Variants in TMEM178B observed in about 807,000 individuals in gnomAD.
The protein encoded by TMEM178B is transmembrane protein 178B.
Under a neutral mutation model 31.0 loss-of-function variants are expected in TMEM178B, and 5 were observed. That is an observed-to-expected ratio of 0.16 (90% CI 0.08 to 0.34). The LOEUF (loss-of-function observed/expected upper bound fraction) is 0.34. Ranked by LOEUF, TMEM178B falls within the 10% of genes least tolerant of loss-of-function variation. TMEM178B has a pLI of 1.00. For missense variants in TMEM178B, 275 were observed against 400.3 expected (o/e 0.69, Z 2.67); for synonymous variants, 164 against 164.0 (o/e 1.00, Z 0.00).
At chr7:141,119,818 C>G (rs1038632123) in intron 1 of TMEM178B, among the ~76,000 whole-genome samples, 1 of 152,146 alleles carries the variant, frequency 6.6e-6, no homozygotes. Context: ...CTCAGTGAGG[C>G]AGAATGAGAC....
At chr7:141,329,863 G>A (rs1388900639) in intron 2 of TMEM178B, among the ~76,000 whole-genome samples, 1 of 152,210 alleles carries the variant, frequency 6.6e-6, no homozygotes, top group Non-Finnish European at 1.5e-5. Context: ...AAACAATCTG[G>A]CTGGGGACAT....
chr7:141,229,713 A>G (rs1322099036), intron 2 of TMEM178B, among the ~76,000 whole-genome samples: 1 of 152,122 alleles, frequency 6.6e-6, no homozygotes, highest in Non-Finnish European at 1.5e-5. Context: ...ACTTGAGCTC[A>G]GGAATTTCAG....
intron 2 of TMEM178B, among the ~76,000 whole-genome samples, chr7:141,313,820 G>A (rs1338451212): frequency 1.5e-5 from 2 of 131,116 alleles, no homozygotes; most frequent in African/African-American, 2.6e-5. Flanking sequence ...ATTGATGTGC[G>A]TCTTTGGAAG....
chr7:141,081,068 A>T (rs1388593412), intron 1 of TMEM178B, among the ~76,000 whole-genome samples: 1 of 152,196 alleles, frequency 6.6e-6, no homozygotes, highest in Non-Finnish European at 1.5e-5. Context: ...TATAAAAAAA[A>T]GTTAACTGTA....
At position 141,124,133 on chromosome 7, in the gene TMEM178B, G is replaced by A. The variant is rs372100036; in HGVS notation, c.382+49441G>A. Among the ~76,000 whole-genome samples the A allele has an allele frequency of 1.4e-4, 21 of 152,246 alleles. 1 individual carries two copies. Among genetic ancestry groups the A allele is most frequent in the African/African-American group, 4.6e-4 (19 of 41,560 alleles). On this transcript the variant is annotated intron_variant, in intron 1 of 3. Transcript: ENST00000565468. Reference sequence around the variant, plus strand: ...TGTAATCCCAGTACTTTGGGAGGCCGAGGTGGGCAGATCACCTGAGGTCAG... The same window carrying A: ...TGTAATCCCAGTACTTTGGGAGGCCAAGGTGGGCAGATCACCTGAGGTCAG...
chr7:141,245,907 A>C (rs1023875038), intron 2 of TMEM178B, among the ~76,000 whole-genome samples: 1 of 152,220 alleles, frequency 6.6e-6, no homozygotes, highest in Non-Finnish European at 1.5e-5. Flanking sequence ...TTATATAAAC[A>C]AGTACTTTTG....
At chr7:141,447,760 T>A (rs1217688089) in intron 3 of TMEM178B, among the ~76,000 whole-genome samples, 1 of 152,086 alleles carries the variant, frequency 6.6e-6, no homozygotes, top group Non-Finnish European at 1.5e-5. Context: ...CCTGAAGGTG[T>A]TGCAGGGGCA....
intron 1 of TMEM178B, among the ~76,000 whole-genome samples, chr7:141,095,990 G>T (rs1445825434): frequency 6.6e-6 from 1 of 152,182 alleles, no homozygotes; most frequent in Non-Finnish European, 1.5e-5. Context: ...AATGCTGATG[G>T]TAACGTAGGC....
rs143413562 is a variant in TMEM178B, at chr7:141,162,621, C to T, written c.383-49970C>T. On this transcript the variant is annotated intron_variant, in intron 1 of 3. Transcript: ENST00000565468. ...CATAGTTAGGAAAGAATCTCAGTCC[C>T]ATGGTACCAACACTAGCATTTTATT... Among the ~76,000 whole-genome samples the T allele has an allele frequency of 1.1e-4, 17 of 152,286 alleles. No individual in the cohort carries two copies. In the South Asian group the frequency reaches 1.9e-3, roughly 17 times the overall value.
downstream of TMEM178B, among the ~76,000 whole-genome samples, chr7:141,481,863 A>G (rs1453760203): frequency 6.6e-6 from 1 of 152,138 alleles, no homozygotes; most frequent in Non-Finnish European, 1.5e-5. Flanking sequence ...AAACAGGTGG[A>G]ATTAAAGAGT....
At chr7:141,376,526 C>T (rs1167312867) in intron 2 of TMEM178B, among the ~76,000 whole-genome samples, 1 of 152,168 alleles carries the variant, frequency 6.6e-6, no homozygotes, top group Non-Finnish European at 1.5e-5. Flanking sequence ...TGCAGAACAC[C>T]ATCGATGTCT....
intron 2 of TMEM178B, among the ~76,000 whole-genome samples, chr7:141,321,106 C>T (rs1799091300): frequency 6.6e-6 from 1 of 152,152 alleles, no homozygotes; most frequent in African/African-American, 2.4e-5. Context: ...TTGTGTGACT[C>T]CCCTCTATTG....
rs139584498 is a variant in TMEM178B, at chr7:141,296,074, C to CTT, written c.496+83382_496+83383dup. ...CACTGCAGCCAAAGGGGAAGCAGTACTTTTTTTTTTTTTGACAGGGTCTCA... is the reference window on the plus strand; with the variant it reads ...CACTGCAGCCAAAGGGGAAGCAGTACTTTTTTTTTTTTTTTGACAGGGTCTCA... On this transcript the variant is annotated intron_variant, in intron 2 of 3. Coordinates refer to ENST00000565468, the MANE Select transcript of TMEM178B (RefSeq NM_001195278.2). 1.6e-4 allele frequency among the ~76,000 whole-genome samples: 23 copies of CTT among 146,246 alleles called. No individual in the cohort carries two copies. The East Asian group carries it at 3.2e-3, about 21-fold the overall frequency.
At chr7:141,251,682 C>T (rs563625287) in intron 2 of TMEM178B, among the ~76,000 whole-genome samples, 8 of 152,200 alleles carry the variant, frequency 5.3e-5, no homozygotes, top group Admixed American at 2.6e-4. Context: ...CTTTATTACC[C>T]CAGGTATACT....
chr7:141,389,308 C>T (rs1043143873), intron 2 of TMEM178B, among the ~76,000 whole-genome samples: 1 of 152,260 alleles, frequency 6.6e-6, no homozygotes, highest in South Asian at 2.1e-4. Context: ...TTCTCTATTA[C>T]CAGCTTGCCA....
chr7:141,434,257 C>G (rs1414289426), intron 2 of TMEM178B, among the ~76,000 whole-genome samples: 1 of 152,202 alleles, frequency 6.6e-6, no homozygotes. Context: ...CCACTTAATT[C>G]CCCCAGGCAG....
At chr7:141,433,101 G>A (rs928584967) in intron 2 of TMEM178B, among the ~76,000 whole-genome samples, 1 of 152,164 alleles carries the variant, frequency 6.6e-6, no homozygotes, top group East Asian at 1.9e-4. Flanking sequence ...ACAATACCCT[G>A]ACCCTCAACT....
At chr7:141,188,935 C>T (rs1056216854) in intron 1 of TMEM178B, among the ~76,000 whole-genome samples, 5 of 152,192 alleles carry the variant, frequency 3.3e-5, no homozygotes, top group African/African-American at 9.7e-5. Flanking sequence ...TGAATCCAGC[C>T]GCCTGAGGAA....
At chr7:141,375,460 A>C (rs2116577383) in intron 2 of TMEM178B, among the ~76,000 whole-genome samples, 1 of 152,368 alleles carries the variant, frequency 6.6e-6, no homozygotes, top group African/African-American at 2.4e-5. Context: ...TTACAAATAT[A>C]GTAGAAACCT....
Sources: allele counts gnomAD v4.1 joint callset (sites outside exome capture counted in the v4.1 genomes callset), GRCh38; gene constraint gnomAD v4.1.1; transcripts MANE v1.5; gene names NCBI Gene and HGNC (gene_info 2026-07-23, HGNC 2026-07-21).